Variants in YTHDC2 observed in about 807,000 individuals in gnomAD.
YTHDC2 encodes 3'-5' RNA helicase YTHDC2.
A neutral mutation model predicts 174.9 loss-of-function variants in YTHDC2; 45 were observed. The observed-to-expected ratio is 0.26, with a 90% confidence interval of 0.20 to 0.33. The LOEUF (loss-of-function observed/expected upper bound fraction) is 0.33. Among genes scored for constraint, YTHDC2 ranks in the 10% least tolerant of loss-of-function variants. YTHDC2 has a pLI of 1.00. For missense variants in YTHDC2, 1,650 were observed against 1,723.7 expected (o/e 0.96, Z 0.76); for synonymous variants, 657 against 574.5 (o/e 1.14, Z -2.05).
chr5:113,554,060 A>C, intron 16 of YTHDC2, 38 bp downstream of exon 16: 1 of 1,417,138 alleles, frequency 7.1e-7, no homozygotes, highest in Non-Finnish European at 9.4e-7. Flanking sequence ...TTAAATGAAG[A>C]AGATTAAGTT....
chr5:113,583,173 A>T (rs887368196), intron 25 of YTHDC2: 1 of 152,202 alleles, frequency 6.6e-6, no homozygotes, highest in African/African-American at 2.4e-5. Flanking sequence ...GAGACAACTG[A>T]GGAAATGATA....
At position 113,553,756 on chromosome 5, in the gene YTHDC2, A is replaced by C. The variant is rs113359243; in HGVS notation, c.1965-11A>C. On this transcript the variant is annotated splice_polypyrimidine_tract_variant and intron_variant, in intron 14 of 29. Coordinates refer to ENST00000161863, the MANE Select transcript of YTHDC2 (RefSeq NM_022828.5). ...GTCTTATAGTATGTTTTCTCTTTCAATTGTCTGCAGATACCAAGTCTTTAT... is the reference window on the plus strand; with the variant it reads ...GTCTTATAGTATGTTTTCTCTTTCACTTGTCTGCAGATACCAAGTCTTTAT... 0.024 allele frequency: 39,145 copies of C among 1,612,152 alleles called. 553 individuals are homozygous for C. The highest frequency in any genetic ancestry group is 0.054 in the African/African-American group (4,070 of 74,940).
chr5:113,516,884 G>C (rs1252911294), intron 2 of YTHDC2, among the ~76,000 whole-genome samples: 2 of 152,188 alleles, frequency 1.3e-5, no homozygotes, highest in African/African-American at 4.8e-5. Context: ...ATTTAGTTTA[G>C]GTGAATGTGC....
At chr5:113,572,026 T>C (rs1176233064) in intron 23 of YTHDC2, among the ~76,000 whole-genome samples, 1 of 152,142 alleles carries the variant, frequency 6.6e-6, no homozygotes, top group Non-Finnish European at 1.5e-5. Flanking sequence ...GGGTTTGTTT[T>C]CTCTTTGTTC....
chr5:113,521,820 CAAAAA>C (rs59402463), intron 2 of YTHDC2, among the ~76,000 whole-genome samples: 2 of 118,584 alleles, frequency 1.7e-5, no homozygotes, highest in Non-Finnish European at 1.8e-5. Context: ...GACTCTGTCT[CAAAAA>C]AAAAAAAAAA....
At chr5:113,592,305 G>T (rs1026554854) in intron 28 of YTHDC2, 127 bp downstream of exon 28, 4 of 915,082 alleles carry the variant, frequency 4.4e-6, no homozygotes, top group African/African-American at 3.5e-5. Context: ...GGAAACAGGG[G>T]TTCAGGTTTG....
intron 26 of YTHDC2, 81 bp downstream of exon 26, chr5:113,584,560 T>G (rs1778574945): frequency 5.7e-6 from 7 of 1,222,798 alleles, no homozygotes; most frequent in Middle Eastern, 2.2e-4. Flanking sequence ...TGTAAAACAA[T>G]TAGAGTACTT....
At chr5:113,526,532 A>C (rs1463295254) in intron 3 of YTHDC2, 54 bp from the exon 4 acceptor site, 1 of 1,428,578 alleles carries the variant, frequency 7.0e-7, no homozygotes, top group Admixed American at 2.4e-5. Context: ...TATTTTTAAC[A>C]CTTCTTTTTC....
chr5:113,540,127 A>G (rs535226912), intron 8 of YTHDC2, among the ~76,000 whole-genome samples: 6 of 152,260 alleles, frequency 3.9e-5, no homozygotes, highest in South Asian at 2.1e-4. Context: ...GCCTCAAGCA[A>G]TCCTCTTGCC....
intron 10 of YTHDC2, among the ~76,000 whole-genome samples, chr5:113,542,863 C>A (rs1022153532): frequency 6.6e-6 from 1 of 152,094 alleles, no homozygotes; most frequent in Non-Finnish European, 1.5e-5. Flanking sequence ...CACCTGAAGC[C>A]CTCAGCATTA....
intron 18 of YTHDC2, among the ~76,000 whole-genome samples, chr5:113,562,956 C>T (rs998623694): frequency 6.6e-6 from 1 of 152,182 alleles, no homozygotes; most frequent in Non-Finnish European, 1.5e-5. Flanking sequence ...ACACTTCCTT[C>T]TGTCCCCTTC....
intron 4 of YTHDC2, among the ~76,000 whole-genome samples, chr5:113,531,310 C>T (rs762669361): frequency 6.6e-6 from 1 of 152,154 alleles, no homozygotes; most frequent in Non-Finnish European, 1.5e-5. Context: ...GGGCCACTCA[C>T]AGACACTGAG....
At chr5:113,532,049 G>A (rs1378378032) in intron 4 of YTHDC2, among the ~76,000 whole-genome samples, 14 of 152,048 alleles carry the variant, frequency 9.2e-5, no homozygotes, top group African/African-American at 3.1e-4. Context: ...ATAATATCAA[G>A]CAACAACATC....
intron 23 of YTHDC2, among the ~76,000 whole-genome samples, chr5:113,576,385 A>G (rs538902467): frequency 6.6e-6 from 1 of 152,168 alleles, no homozygotes; most frequent in Non-Finnish European, 1.5e-5. Context: ...TTGATAATTT[A>G]TGAGATTATG....
Position 113,553,254 on chromosome 5 carries a change from G to A in YTHDC2, c.1762G>A (p.Asp588Asn), listed in dbSNP as rs1373752603. ...AAATGGAAGTGACCTCAGTGCTGAA[G>A]ACAGAGAGCTCCTGAAAGCTTATCA... Reference protein sequence around the residue: ...QTNGSDLSAEDRELLKAYHHS... With the variant: ...QTNGSDLSAENRELLKAYHHS... Residue 588 changes from aspartate (D) to asparagine (N), a missense_variant, in exon 13 of 30, where the codon GAC (aspartate) becomes AAC (asparagine). By Grantham distance (23) the Asp-to-Asn change is conservative. Transcript: ENST00000161863. 2 of 1,600,772 alleles carry A rather than the reference G, an allele frequency of 1.2e-6. No homozygotes were observed. Among genetic ancestry groups the A allele is most frequent in the Non-Finnish European group, 1.7e-6 (2 of 1,174,560 alleles).
chr5:113,513,732 A>C lies in YTHDC2; in HGVS notation c.-164A>C. 2 of 719,538 alleles carry C rather than the reference A, an allele frequency of 2.8e-6. No individual in the cohort carries two copies. The highest frequency in any genetic ancestry group is 4.3e-6 in the Non-Finnish European group (2 of 468,360). 44.6% of individuals were successfully genotyped at this position (719,538 alleles called of 1,614,324 possible). On this transcript the variant is annotated 5_prime_UTR_variant, in exon 1 of 30. Transcript: ENST00000161863. ...CCGTGATATCAATGGCGCAGGCTTC[A>C]CTTCTGCTGTGGCGGTGACTGAGGC...
intron 4 of YTHDC2, among the ~76,000 whole-genome samples, chr5:113,527,891 A>T (rs1580491327): frequency 6.6e-6 from 1 of 151,992 alleles, no homozygotes; most frequent in South Asian, 2.1e-4. Flanking sequence ...CCCAGGTTCA[A>T]GCGATTCTCC....
At chr5:113,534,270 C>A in intron 5 of YTHDC2, 35 bp from the exon 6 acceptor site, 2 of 1,546,162 alleles carry the variant, frequency 1.3e-6, no homozygotes, top group African/African-American at 1.4e-5. Context: ...GAAAAACTTG[C>A]AATTGTGCAC....
intron 18 of YTHDC2, among the ~76,000 whole-genome samples, chr5:113,561,955 TGG>T (rs200157844): frequency 1.5e-5 from 2 of 134,858 alleles, no homozygotes; most frequent in East Asian, 2.1e-4. Flanking sequence ...CTATTAATTG[TGG>T]GTGTGTGTGT....
Sources: gnomAD v4.1 joint callset for allele counts (sites outside exome capture counted in the v4.1 genomes callset) on GRCh38, gnomAD v4.1.1 for gene constraint, MANE v1.5 for transcripts, NCBI Gene and HGNC (gene_info 2026-07-23, HGNC 2026-07-21) for gene names.